RBMS3: variants seen among roughly 807,000 people sequenced by gnomAD.
The protein encoded by RBMS3 is RNA-binding motif, single-stranded-interacting protein 3.
In RBMS3, 27 loss-of-function variants were observed where a neutral mutation model predicts 66.8. The observed-to-expected ratio is 0.40, with a 90% CI of 0.30 to 0.56. The LOEUF is 0.56. Ranked by LOEUF, RBMS3 falls within the 20% of genes least tolerant of loss-of-function variation. The pLI is 0.40. For synonymous variants in RBMS3, 188 were observed against 183.0 expected (o/e 1.03, Z -0.22); for missense variants, 513 against 549.5 (o/e 0.93, Z 0.66).
At chr3:30,001,033 T>C (rs1699584187) in intron 14 of RBMS3, among the ~76,000 whole-genome samples, 1 of 134,142 alleles carries the variant, frequency 7.5e-6, no homozygotes, top group African/African-American at 3.0e-5. Flanking sequence ...GAACTTAAAG[T>C]ATAATAAAAA....
At chr3:29,987,673 C>T (rs904641069) in intron 12 of RBMS3, among the ~76,000 whole-genome samples, 2 of 152,008 alleles carry the variant, frequency 1.3e-5, no homozygotes, top group African/African-American at 2.4e-5. Flanking sequence ...ATAACTATTA[C>T]ATTACTTTGC....
intron 1 of RBMS3, among the ~76,000 whole-genome samples, chr3:29,321,574 C>T (rs1043615791): frequency 2.0e-5 from 3 of 152,122 alleles, no homozygotes; most frequent in Non-Finnish European, 4.4e-5. Flanking sequence ...CAAATATGTA[C>T]ATACGTAGTT....
chr3:29,789,143 A>C (rs2056920677), intron 6 of RBMS3, among the ~76,000 whole-genome samples: 2 of 152,096 alleles, frequency 1.3e-5, no homozygotes, highest in African/African-American at 4.8e-5. Flanking sequence ...TAAGTTATTT[A>C]TCTTGACTTC....
intron 4 of RBMS3, among the ~76,000 whole-genome samples, chr3:29,607,309 T>C (rs1489224780): frequency 6.6e-6 from 1 of 152,022 alleles, no homozygotes; most frequent in African/African-American, 2.4e-5. Context: ...CAGAAATTTA[T>C]TTCTCAGAGT....
At chr3:29,824,805 G>A (rs2058164388) in intron 6 of RBMS3, among the ~76,000 whole-genome samples, 2 of 152,212 alleles carry the variant, frequency 1.3e-5, no homozygotes, top group South Asian at 4.1e-4. Flanking sequence ...AAAAGGTAAT[G>A]CTTTATTTGT....
At position 29,838,399 on chromosome 3, in the gene RBMS3, A is replaced by G. The variant is rs146273335; in HGVS notation, c.638-30459A>G. ...TCTACTACAAATATATTCATTATTC[A>G]TTCATAACGCTTTGATTATGATGAG... On this transcript the variant is annotated intron_variant, in intron 6 of 14. Transcript: ENST00000383767. Among the ~76,000 whole-genome samples, 124 of 152,210 alleles carry G rather than the reference A, an allele frequency of 8.1e-4. 1 individual carries two copies. Among genetic ancestry groups the G allele is most frequent in the African/African-American group, 2.9e-3 (120 of 41,568 alleles).
intron 1 of RBMS3, among the ~76,000 whole-genome samples, chr3:29,309,427 C>G (rs9865044): frequency 0.18 from 27,572 of 151,538 alleles, 2,716 homozygotes; most frequent in South Asian, 0.38. Context: ...ACCCTTTGGG[C>G]GTATTTGTAT....
chr3:29,362,608 C>T lies in RBMS3; in HGVS notation c.76-72135C>T, dbSNP rs139088917. 5.1e-3 allele frequency among the ~76,000 whole-genome samples: 770 copies of T among 152,196 alleles called. 4 individuals are homozygous for T. The highest frequency in any genetic ancestry group is 0.017 in the African/African-American group (725 of 41,534). Reference sequence around the variant, plus strand: ...AAATGTGGAAATCACCCATCTTCTGCGTCACTCACACTGGGAGCTGTAGAC... The same window carrying T: ...AAATGTGGAAATCACCCATCTTCTGTGTCACTCACACTGGGAGCTGTAGAC... On this transcript the variant is annotated intron_variant, in intron 1 of 14. Coordinates refer to ENST00000383767, the MANE Select transcript of RBMS3 (RefSeq NM_001003793.3).
At chr3:29,578,342 G>C (rs954022995) in intron 3 of RBMS3, among the ~76,000 whole-genome samples, 3 of 152,022 alleles carry the variant, frequency 2.0e-5, no homozygotes, top group Admixed American at 6.6e-5. Context: ...TGTTACTCTC[G>C]ATTGTGCATA....
chr3:29,950,026 C>T (rs1007924640), intron 12 of RBMS3, among the ~76,000 whole-genome samples: 2 of 151,928 alleles, frequency 1.3e-5, no homozygotes, highest in Admixed American at 6.6e-5. Context: ...TTACTCTTGA[C>T]CTGCCAGTAT....
intron 12 of RBMS3, among the ~76,000 whole-genome samples, chr3:29,944,500 G>A (rs1452007946): frequency 6.6e-6 from 1 of 151,690 alleles, no homozygotes; most frequent in Non-Finnish European, 1.5e-5. Flanking sequence ...CATTTTATCT[G>A]TCAAGGATAC....
chr3:29,486,554 T>A (rs1386397147), intron 2 of RBMS3, among the ~76,000 whole-genome samples: 1 of 152,192 alleles, frequency 6.6e-6, no homozygotes, highest in Non-Finnish European at 1.5e-5. Flanking sequence ...AATAAAATTC[T>A]TTTTCTTTGT....
At chr3:29,335,739 A>G (rs2035909112) in intron 1 of RBMS3, among the ~76,000 whole-genome samples, 1 of 152,196 alleles carries the variant, frequency 6.6e-6, no homozygotes, top group African/African-American at 2.4e-5. Context: ...CTCAGCGGGG[A>G]AGACAGGAAC....
At chr3:29,307,490 G>A (rs1376448444) in intron 1 of RBMS3, among the ~76,000 whole-genome samples, 1 of 151,822 alleles carries the variant, frequency 6.6e-6, no homozygotes, top group African/African-American at 2.4e-5. Context: ...TTTTCTAGAG[G>A]TCAGGATTAT....
chr3:29,354,143 AATTG>A (rs1387106172), intron 1 of RBMS3, among the ~76,000 whole-genome samples: 1 of 151,994 alleles, frequency 6.6e-6, no homozygotes, highest in Admixed American at 6.6e-5. Context: ...TTTATTGATT[AATTG>A]TTGGTAATTA....
At chr3:29,889,244 G>T (rs1035444259) in intron 8 of RBMS3, among the ~76,000 whole-genome samples, 3 of 151,248 alleles carry the variant, frequency 2.0e-5, no homozygotes, top group African/African-American at 2.4e-5. Context: ...ACTCCCCATG[G>T]CCCCACCACC....
At chr3:29,730,296 C>T (rs1490339279) in intron 4 of RBMS3, among the ~76,000 whole-genome samples, 1 of 113,578 alleles carries the variant, frequency 8.8e-6, no homozygotes, top group Non-Finnish European at 1.7e-5. Context: ...ATCATTTGTG[C>T]TGTGTTCTGG....
intron 6 of RBMS3, among the ~76,000 whole-genome samples, chr3:29,791,962 A>G (rs1164013018): frequency 6.6e-6 from 1 of 152,224 alleles, no homozygotes; most frequent in Non-Finnish European, 1.5e-5. Flanking sequence ...AATGAAATAT[A>G]ATGAAAAATC....
chr3:29,750,331 TTAAAG>T (rs754093816), intron 5 of RBMS3, among the ~76,000 whole-genome samples: 2 of 152,128 alleles, frequency 1.3e-5, no homozygotes, highest in African/African-American at 2.4e-5. Flanking sequence ...TTGAGAAGAC[TTAAAG>T]TAAAACGATA....
Sources: gnomAD v4.1 joint callset for allele counts (sites outside exome capture counted in the v4.1 genomes callset) on GRCh38, gnomAD v4.1.1 for gene constraint, MANE v1.5 for transcripts, NCBI Gene and HGNC (gene_info 2026-07-23, HGNC 2026-07-21) for gene names.